The following USP24 variants were observed in gnomAD, a reference collection of about 807,000 sequenced individuals.
USP24 encodes the protein ubiquitin carboxyl-terminal hydrolase 24.
Under a neutral mutation model 361.6 loss-of-function variants are expected in USP24, and 97 were observed. The ratio of observed to expected loss-of-function variants is 0.27; its 90% CI spans 0.23 to 0.32. The LOEUF (loss-of-function observed/expected upper bound fraction) is 0.32. USP24 is among the 10% of genes least tolerant of loss of function. USP24 has a pLI of 1.00. For missense variants in USP24, 2,353 were observed against 3,165.6 expected, an observed-to-expected ratio of 0.74 and a Z score of 6.16; for synonymous variants, 1,098 against 1,124.6, an observed-to-expected ratio of 0.98 and a Z score of 0.47.
At chr1:55,182,264 A>G (rs371759749) in intron 1 of USP24, among the ~76,000 whole-genome samples, 1 of 151,998 alleles carries the variant, frequency 6.6e-6, no homozygotes, top group Admixed American at 6.6e-5. Context: ...GTTGGCCAGG[A>G]TGGTCTCGAT....
chr1:55,072,223 T>G, intron 66 of USP24, 94 bp downstream of exon 66: 1 of 989,812 alleles, frequency 1.0e-6, no homozygotes, highest in South Asian at 1.5e-5. Context: ...CTTCAACTCA[T>G]ACCTCTCTTC....
chr1:55,097,809 T>G (rs1458164962), intron 47 of USP24, 92 bp from the exon 48 acceptor site: 3 of 1,503,046 alleles, frequency 2.0e-6, no homozygotes, highest in Non-Finnish European at 2.7e-6. Context: ...GCCTTTCTGA[T>G]CCATGTGAAA....
At chr1:55,089,011 C>T (rs1298989149) in intron 55 of USP24, among the ~76,000 whole-genome samples, 2 of 151,656 alleles carry the variant, frequency 1.3e-5, no homozygotes, top group Non-Finnish European at 2.9e-5. Flanking sequence ...CTCCTGGGTT[C>T]AAGCAATTCT....
chr1:55,166,607 T>C lies in USP24; in HGVS notation c.826-4A>G. On this transcript the variant is annotated splice_region_variant and splice_polypyrimidine_tract_variant and intron_variant, in intron 5 of 67. Coordinates refer to ENST00000294383, the MANE Select transcript of USP24 (RefSeq NM_015306.3). ...CCACAACCCATCCATGAGGCTCCTA[T>C]GAGAAAAGAAAAACAAAATTGAGAT... 1.9e-6 allele frequency: 3 copies of C among 1,589,384 alleles called. No individual in the cohort carries two copies. The South Asian group carries it at 3.5e-5, about 18-fold the overall frequency.
intron 1 of USP24, among the ~76,000 whole-genome samples, chr1:55,199,747 T>C (rs919188286): frequency 6.6e-6 from 1 of 152,142 alleles, no homozygotes; most frequent in African/African-American, 2.4e-5. Context: ...CTGTAGACTA[T>C]AAATTGTTCA....
At chr1:55,098,124 A>C (rs1347588488) in intron 46 of USP24, 40 bp from the exon 47 acceptor site, 2 of 1,531,864 alleles carry the variant, frequency 1.3e-6, no homozygotes, top group East Asian at 4.5e-5. Context: ...TCAACAATGG[A>C]ATTTAAAACT....
In USP24 at chr1:55,095,334, C is replaced by A; in HGVS notation, c.6124G>T (p.Val2042Leu). ...AATACTGGGGAGTTCTGATCAGACACCCTTTGGTAGAAAAGCATATAGGCA... is the reference window on the plus strand; with the variant it reads ...AATACTGGGGAGTTCTGATCAGACAACCTTTGGTAGAAAAGCATATAGGCA... ...WNAYMLFYQR[V>L]SDQNSPVLPK... Residue 2042 changes from valine (V) to leucine (L), a missense_variant, in exon 51 of 68, where the codon GTG (valine) becomes TTG (leucine). By Grantham distance (32) the Val-to-Leu change is conservative (BLOSUM62 1). Transcript: ENST00000294383. 1 of 1,613,502 alleles carries A rather than the reference C, an allele frequency of 6.2e-7. No individual in the cohort carries two copies. The highest frequency in any genetic ancestry group is 8.5e-7 in the Non-Finnish European group (1 of 1,179,718).
chr1:55,142,970 G>A lies in USP24; in HGVS notation c.2580+9C>T. On this transcript the variant is annotated intron_variant, in intron 22 of 67. Transcript: ENST00000294383. ...TGTATATGGATAACTTCTTTCCTTA[G>A]ATACCTACCTTCTTTAATCTAGGAT... 1 of 1,489,816 alleles carries A rather than the reference G, an allele frequency of 6.7e-7. No individual in the cohort carries two copies. Among genetic ancestry groups the A allele is most frequent in the South Asian group, 1.3e-5 (1 of 76,628 alleles). The allele number at this position is 1,489,816 out of a possible 1,614,324, so 92.3% of individuals were successfully genotyped here. A position where few individuals can be genotyped will look rare whatever the true frequency, so the allele number is the denominator to read the frequency against.
At chr1:55,110,283 C>A in intron 38 of USP24, 37 bp from the exon 39 acceptor site, 3 of 1,460,352 alleles carry the variant, frequency 2.1e-6, no homozygotes, top group African/African-American at 1.4e-5. Flanking sequence ...TAATAAGAGG[C>A]TGATTTGAAA....
chr1:55,177,124 A>C (rs998155918), intron 2 of USP24, among the ~76,000 whole-genome samples: 6 of 152,064 alleles, frequency 3.9e-5, no homozygotes, highest in Middle Eastern at 3.4e-3. Flanking sequence ...AAACAAAAAC[A>C]AAAACCAAAA....
chr1:55,159,122 G>C, intron 9 of USP24, 86 bp from the exon 10 acceptor site: 2 of 1,176,732 alleles, frequency 1.7e-6, no homozygotes, highest in Non-Finnish European at 2.2e-6. Context: ...AAGAATATAG[G>C]GTAACAGTGG....
rs2100394291 is a variant in USP24, at chr1:55,073,962, C to T, written c.7448-56G>A. 1.5e-5 allele frequency: 20 copies of T among 1,351,166 alleles called. No individual in the cohort carries two copies. The South Asian group carries it at 2.3e-4, about 16-fold the overall frequency. The allele number at this position is 1,351,166 out of a possible 1,614,324, so 83.7% of individuals were successfully genotyped here. A position where few individuals can be genotyped will look rare whatever the true frequency, so the allele number is the denominator to read the frequency against. ...TAAAAGACTCAACTGAAAATGGCTC[C>T]AAGTGACAACAAGCTCTCTTGTTCT... is the stretch of plus-strand genomic sequence containing the variant. On this transcript the variant is annotated intron_variant, in intron 63 of 67. Coordinates refer to ENST00000294383, the MANE Select transcript of USP24 (RefSeq NM_015306.3).
At chr1:55,094,177 AT>A in intron 51 of USP24, 90 bp from the exon 52 acceptor site, 1 of 1,311,270 alleles carries the variant, frequency 7.6e-7, no homozygotes, top group Non-Finnish European at 1.0e-6. Context: ...ATAAACGGGT[AT>A]TAGACTATTT....
At chr1:55,163,102 T>G (rs1470502674) in intron 7 of USP24, among the ~76,000 whole-genome samples, 2 of 151,974 alleles carry the variant, frequency 1.3e-5, no homozygotes, top group Non-Finnish European at 2.9e-5. Flanking sequence ...AAAATAAAAT[T>G]AAATCCCTAT....
At chr1:55,091,117 A>G (rs112370366) in intron 54 of USP24, among the ~76,000 whole-genome samples, 8 of 152,252 alleles carry the variant, frequency 5.3e-5, no homozygotes, top group African/African-American at 1.9e-4. Context: ...CCAATGATGA[A>G]TAAGATACAG....
chr1:55,143,969 G>A (rs894755446), intron 21 of USP24, among the ~76,000 whole-genome samples, 158 bp downstream of exon 21: 1 of 152,124 alleles, frequency 6.6e-6, no homozygotes, highest in Non-Finnish European at 1.5e-5. Flanking sequence ...TACACTAGGA[G>A]AAGCTCTGTC....
chr1:55,184,117 C>A (rs915414929), intron 1 of USP24, among the ~76,000 whole-genome samples: 1 of 152,068 alleles, frequency 6.6e-6, no homozygotes, highest in Non-Finnish European at 1.5e-5. Context: ...AGTGCAGTGG[C>A]GTAATCTCAG....
Position 55,069,863 on chromosome 1 carries a change from A to T in USP24, c.7801-756T>A, listed in dbSNP as rs561759970. 4.0e-3 allele frequency among the ~76,000 whole-genome samples: 404 copies of T among 99,834 alleles called. 3 individuals carry two copies. The highest frequency in any genetic ancestry group is 0.015 in the African/African-American group (380 of 24,594). The allele number at this position is 99,834 out of a possible 152,430, so 65.5% of individuals were successfully genotyped here. On this transcript the variant is annotated intron_variant, in intron 67 of 67. Coordinates refer to ENST00000294383, the MANE Select transcript of USP24 (RefSeq NM_015306.3). ...ACTCCAGCCTGGGTGACAGAGCAAC[A>T]CTCCATCTCAAAAAAAAAAAAAAAA...
At chr1:55,098,409 C>A in intron 46 of USP24, 67 bp downstream of exon 46, 4 of 1,408,564 alleles carry the variant, frequency 2.8e-6, no homozygotes, top group Non-Finnish European at 2.9e-6. Flanking sequence ...GCAAAATTTA[C>A]AACATACTAA....
Sources: gnomAD v4.1 joint callset for allele counts (sites outside exome capture counted in the v4.1 genomes callset) on GRCh38, gnomAD v4.1.1 for gene constraint, MANE v1.5 for transcripts, NCBI Gene and HGNC (gene_info 2026-07-23, HGNC 2026-07-21) for gene names.